THSD4: variants seen among roughly 807,000 people sequenced by gnomAD.
THSD4 encodes thrombospondin type-1 domain-containing protein 4.
Under a neutral mutation model 119.0 loss-of-function variants are expected in THSD4, and 69 were observed. The ratio of observed to expected loss-of-function variants is 0.58; its 90% CI spans 0.48 to 0.71. THSD4 has a LOEUF of 0.71. THSD4 is among the 30% of genes least tolerant of loss of function. THSD4 has a pLI of 0.00. For synonymous variants in THSD4, 524 were observed against 540.4 expected, an observed-to-expected ratio of 0.97 and a Z score of 0.42; for missense variants, 1,393 against 1,391.1, an observed-to-expected ratio of 1.00 and a Z score of -0.02.
At chr15:71,196,987 G>A (rs528307108) in intron 3 of THSD4, among the ~76,000 whole-genome samples, 1 of 152,296 alleles carries the variant, frequency 6.6e-6, no homozygotes, top group Admixed American at 6.5e-5. Flanking sequence ...AACCCACTAT[G>A]CATTCATTAG....
chr15:71,286,835 A>G (rs2044723809), intron 6 of THSD4, among the ~76,000 whole-genome samples: 1 of 152,152 alleles, frequency 6.6e-6, no homozygotes, highest in South Asian at 2.1e-4. Flanking sequence ...TCACTTTGAT[A>G]ATAGCCATTC....
At chr15:71,284,430 C>T (rs2044691892) in intron 6 of THSD4, among the ~76,000 whole-genome samples, 1 of 152,030 alleles carries the variant, frequency 6.6e-6, no homozygotes, top group Admixed American at 6.5e-5. Context: ...AGCATGTTGC[C>T]AAAGAAGTGG....
In THSD4 at chr15:71,467,860, T is replaced by TC. The variant is rs1163114861; in HGVS notation, c.1152+56037_1152+56038insC. On this transcript the variant is annotated intron_variant, in intron 7 of 17. Coordinates refer to ENST00000261862, the MANE Select transcript of THSD4 (RefSeq NM_024817.3). ...AGATATGATGGTTTTTTTTTTTTTC[T>TC]TTTTTTGAGACGGAGTTTTGCTCTT... is the stretch of plus-strand genomic sequence containing the variant. Among the ~76,000 whole-genome samples, 7 of 149,526 alleles carry TC rather than the reference T, an allele frequency of 4.7e-5. No homozygotes were observed. The South Asian group carries it at 1.6e-3, about 33-fold the overall frequency.
intron 7 of THSD4, among the ~76,000 whole-genome samples, chr15:71,436,285 A>G (rs2047012384): frequency 6.6e-6 from 1 of 152,228 alleles, no homozygotes; most frequent in Non-Finnish European, 1.5e-5. Flanking sequence ...CAAAACAGGA[A>G]GACAAAGACG....
At chr15:71,276,691 A>G (rs1164787751) in intron 6 of THSD4, among the ~76,000 whole-genome samples, 2 of 152,250 alleles carry the variant, frequency 1.3e-5, no homozygotes, top group Non-Finnish European at 2.9e-5. Flanking sequence ...TGAGCTTCAT[A>G]AATGTTTACA....
At chr15:71,241,487 A>G (rs1567166557) in intron 4 of THSD4, among the ~76,000 whole-genome samples, 1 of 152,158 alleles carries the variant, frequency 6.6e-6, no homozygotes, top group Non-Finnish European at 1.5e-5. Context: ...TTCAGTTGTA[A>G]GGTTGGGGTC....
At chr15:71,503,594 C>T (rs1370754516) in intron 7 of THSD4, among the ~76,000 whole-genome samples, 3 of 152,156 alleles carry the variant, frequency 2.0e-5, no homozygotes, top group African/African-American at 7.2e-5. Flanking sequence ...CCTTGACTAG[C>T]AGAATTGTAT....
At chr15:71,545,173 A>C (rs577662932) in intron 7 of THSD4, among the ~76,000 whole-genome samples, 1 of 152,350 alleles carries the variant, frequency 6.6e-6, no homozygotes, top group Admixed American at 6.5e-5. Flanking sequence ...TATGTTGTCT[A>C]TATGTTACCA....
intron 7 of THSD4, among the ~76,000 whole-genome samples, chr15:71,526,188 G>A (rs1595858241): frequency 6.6e-6 from 1 of 152,242 alleles, no homozygotes; most frequent in East Asian, 1.9e-4. Flanking sequence ...CCGGTTTCAA[G>A]GACCGTCTAA....
intron 3 of THSD4, chr15:71,172,038 T>C (rs369143455): frequency 1.4e-4 from 22 of 152,248 alleles, no homozygotes; most frequent in East Asian, 1.2e-3. Flanking sequence ...TGAAATAAAA[T>C]GGAATCCTAA....
chr15:71,263,932 G>C (rs1050586015), intron 6 of THSD4, among the ~76,000 whole-genome samples: 3 of 152,206 alleles, frequency 2.0e-5, no homozygotes, highest in African/African-American at 7.2e-5. Flanking sequence ...TTATTAGGTT[G>C]TTTGCAAGAA....
chr15:71,441,969 T>C (rs1216996805), intron 7 of THSD4, among the ~76,000 whole-genome samples: 1 of 152,040 alleles, frequency 6.6e-6, no homozygotes, highest in Non-Finnish European at 1.5e-5. Context: ...TGTTTTGTTT[T>C]GTTTTTTTGA....
intron 6 of THSD4, among the ~76,000 whole-genome samples, chr15:71,403,174 CT>C (rs1302999766): frequency 2.0e-5 from 3 of 152,104 alleles, no homozygotes; most frequent in African/African-American, 7.2e-5. Flanking sequence ...CTTAGATATT[CT>C]ATCTCCTGGA....
chr15:71,397,465 T>G (rs2046468882), intron 6 of THSD4, among the ~76,000 whole-genome samples: 1 of 152,212 alleles, frequency 6.6e-6, no homozygotes, highest in African/African-American at 2.4e-5. Flanking sequence ...TAAATGTTGA[T>G]TGTCCCATAA....
chr15:71,546,966 C>G (rs954161303), intron 7 of THSD4, among the ~76,000 whole-genome samples: 2 of 152,218 alleles, frequency 1.3e-5, no homozygotes, highest in Non-Finnish European at 2.9e-5. Flanking sequence ...TGGCTCTCCC[C>G]GTTCCCAGCC....
At chr15:71,451,602 G>A (rs564921006) in intron 7 of THSD4, among the ~76,000 whole-genome samples, 1 of 152,148 alleles carries the variant, frequency 6.6e-6, no homozygotes, top group South Asian at 2.1e-4. Context: ...TTAACACTTG[G>A]TAGACAGAGG....
At chr15:71,462,976 A>G (rs1199075782) in intron 7 of THSD4, among the ~76,000 whole-genome samples, 2 of 152,226 alleles carry the variant, frequency 1.3e-5, no homozygotes, top group African/African-American at 4.8e-5. Flanking sequence ...CAAAGATCTC[A>G]TTAGCTTTTT....
At chr15:71,403,659 G>A (rs1414715856) in intron 6 of THSD4, among the ~76,000 whole-genome samples, 2 of 152,164 alleles carry the variant, frequency 1.3e-5, no homozygotes, top group Non-Finnish European at 2.9e-5. Context: ...CAACCTTGAG[G>A]GGTAAGATAA....
In THSD4 at chr15:71,242,946, T is replaced by C. The variant is rs759812291; in HGVS notation, c.762T>C (p.Pro254=). 2 of 1,614,094 alleles carry C rather than the reference T, an allele frequency of 1.2e-6. No individual in the cohort carries two copies. Among genetic ancestry groups the C allele is most frequent in the African/African-American group, 1.3e-5 (1 of 74,940 alleles). ...CTTTGACCCATGATCAAGGCTACCCTGCAGCTTCAAGTCTCTTTCACAGCC... is the reference window on the plus strand; with the variant it reads ...CTTTGACCCATGATCAAGGCTACCCCGCAGCTTCAAGTCTCTTTCACAGCC... ...QLPLTHDQGY[P]AASSLFHSPE... Residue 254 remains proline, a synonymous_variant, in exon 5 of 18, where the codon CCT becomes CCC. Coordinates refer to ENST00000261862, the MANE Select transcript of THSD4 (RefSeq NM_024817.3).
Sources: gnomAD v4.1 joint callset for allele counts (sites outside exome capture counted in the v4.1 genomes callset) on GRCh38, gnomAD v4.1.1 for gene constraint, MANE v1.5 for transcripts, NCBI Gene and HGNC (gene_info 2026-07-23, HGNC 2026-07-21) for gene names.